ARHGAP15: variants seen among roughly 807,000 people sequenced by gnomAD.
The protein encoded by ARHGAP15 is Rho GTPase activating protein 15.
Under a neutral mutation model 63.7 loss-of-function variants are expected in ARHGAP15, and 51 were observed. The observed-to-expected ratio is 0.80, with a 90% confidence interval of 0.64 to 1.01. ARHGAP15 has a LOEUF of 1.01. Among genes scored for constraint, ARHGAP15 ranks in the 50% least tolerant of loss-of-function variants. The pLI, the probability that ARHGAP15 is intolerant of heterozygous loss-of-function variation, is 0.00. For missense variants in ARHGAP15, 560 were observed against 564.6 expected (o/e 0.99, Z 0.08); for synonymous variants, 191 against 193.8 (o/e 0.99, Z 0.12).
intron 4 of ARHGAP15, among the ~76,000 whole-genome samples, chr2:143,227,195 A>T (rs1693244274): frequency 6.6e-6 from 1 of 152,196 alleles, no homozygotes; most frequent in South Asian, 2.1e-4. Flanking sequence ...ACATATATAT[A>T]TTCTAACTAT....
At chr2:143,485,992 C>A (rs1330074573) in intron 8 of ARHGAP15, among the ~76,000 whole-genome samples, 1 of 152,128 alleles carries the variant, frequency 6.6e-6, no homozygotes, top group Admixed American at 6.5e-5. Context: ...TCTTGAACTT[C>A]ACCTTAATTC....
chr2:143,678,126 A>C (rs1434137276), intron 12 of ARHGAP15, among the ~76,000 whole-genome samples: 1 of 152,116 alleles, frequency 6.6e-6, no homozygotes, highest in East Asian at 1.9e-4. Flanking sequence ...TAGGAGAATC[A>C]CCTGAGCCTG....
chr2:143,560,187 C>G (rs1695963116), intron 11 of ARHGAP15, among the ~76,000 whole-genome samples: 1 of 152,142 alleles, frequency 6.6e-6, no homozygotes, highest in Admixed American at 6.5e-5. Flanking sequence ...ATTATACTTC[C>G]AGTTCAGATG....
At position 143,356,718 on chromosome 2, in the gene ARHGAP15, G is replaced by A. The variant is rs16822392; in HGVS notation, c.475-78883G>A. Among the ~76,000 whole-genome samples, 1,205 of 152,160 alleles carry A rather than the reference G, an allele frequency of 7.9e-3. 17 individuals carry two copies. The highest frequency in any genetic ancestry group is 0.027 in the African/African-American group (1,133 of 41,492). On this transcript the variant is annotated intron_variant, in intron 6 of 13. Transcript: ENST00000295095. ...GTGGCTCGTTGAAATTACTAATGCA[G>A]TTACTGAGTTAATTTTAAAAAAATC... is the stretch of plus-strand genomic sequence containing the variant.
intron 6 of ARHGAP15, among the ~76,000 whole-genome samples, chr2:143,301,533 C>T (rs987606962): frequency 6.6e-6 from 1 of 151,862 alleles, no homozygotes; most frequent in Non-Finnish European, 1.5e-5. Context: ...ACACATATTG[C>T]CACCATTGTC....
At chr2:143,466,535 T>A (rs1272356802) in intron 8 of ARHGAP15, among the ~76,000 whole-genome samples, 1 of 152,094 alleles carries the variant, frequency 6.6e-6, no homozygotes, top group East Asian at 1.9e-4. Flanking sequence ...GTCTTCTGGT[T>A]TAGTTCTTCA....
chr2:143,467,100 T>TTG (rs1480785186), intron 8 of ARHGAP15, among the ~76,000 whole-genome samples: 2 of 152,072 alleles, frequency 1.3e-5, no homozygotes, highest in Non-Finnish European at 2.9e-5. Context: ...ATACCTACTC[T>TTG]TGCTATACTC....
At chr2:143,269,118 T>G (rs1490717014) in intron 6 of ARHGAP15, among the ~76,000 whole-genome samples, 1 of 152,166 alleles carries the variant, frequency 6.6e-6, no homozygotes, top group African/African-American at 2.4e-5. Context: ...TATGGGTTCA[T>G]TACGTTCAAA....
chr2:143,588,800 C>T (rs1451001691), intron 11 of ARHGAP15, among the ~76,000 whole-genome samples: 1 of 152,192 alleles, frequency 6.6e-6, no homozygotes, highest in Non-Finnish European at 1.5e-5. Context: ...ATAAATGATT[C>T]TGGAACCTGT....
intron 8 of ARHGAP15, 86 bp from the exon 9 acceptor site, chr2:143,487,287 A>G (rs1017764815): frequency 2.1e-6 from 3 of 1,456,282 alleles, no homozygotes; most frequent in Non-Finnish European, 2.8e-6. Flanking sequence ...TTGTTTCATA[A>G]CTACTGTTTT....
chr2:143,281,794 C>A (rs1175768370), intron 6 of ARHGAP15, among the ~76,000 whole-genome samples: 1 of 152,118 alleles, frequency 6.6e-6, no homozygotes, highest in Non-Finnish European at 1.5e-5. Context: ...TTTAAAGAAT[C>A]CTACTATTGA....
At chr2:143,739,761 T>C (rs964205075) in intron 13 of ARHGAP15, among the ~76,000 whole-genome samples, 3 of 152,188 alleles carry the variant, frequency 2.0e-5, no homozygotes, top group Admixed American at 6.5e-5. Flanking sequence ...TGACTTTTAC[T>C]GAAGATTGAC....
intron 8 of ARHGAP15, among the ~76,000 whole-genome samples, chr2:143,441,190 T>A (rs1043501601): frequency 5.9e-5 from 9 of 151,994 alleles, no homozygotes; most frequent in African/African-American, 2.2e-4. Context: ...GAGCAGGGCA[T>A]ATAAGCTTGC....
At chr2:143,397,916 A>G (rs1266090339) in intron 6 of ARHGAP15, among the ~76,000 whole-genome samples, 2 of 152,160 alleles carry the variant, frequency 1.3e-5, no homozygotes, top group Non-Finnish European at 2.9e-5. Flanking sequence ...AGAAAGCAAG[A>G]AATTATTTTT....
In ARHGAP15 at chr2:143,320,408, A is replaced by G. The variant is rs74208593; in HGVS notation, c.474+69808A>G. 4.1e-3 allele frequency among the ~76,000 whole-genome samples: 108 copies of G among 26,292 alleles called. 3 individuals are homozygous for G. Among genetic ancestry groups the G allele is most frequent in the African/African-American group, 0.012 (102 of 8,820 alleles). The allele number at this position is 26,292 out of a possible 152,430, so 17.2% of individuals were successfully genotyped here. A position where few individuals can be genotyped will look rare whatever the true frequency, so the allele number is the denominator to read the frequency against. On this transcript the variant is annotated intron_variant, in intron 6 of 13. Coordinates refer to ENST00000295095, the MANE Select transcript of ARHGAP15 (RefSeq NM_018460.4). Reference sequence around the variant, plus strand: ...AAATGCCACAAATCAGGACTTCCCCACCCCCCCCCCCCCCAGAGATCCTAT... The same window carrying G: ...AAATGCCACAAATCAGGACTTCCCCGCCCCCCCCCCCCCCAGAGATCCTAT...
At chr2:143,753,138 G>A (rs1057192797) in intron 13 of ARHGAP15, among the ~76,000 whole-genome samples, 4 of 152,142 alleles carry the variant, frequency 2.6e-5, no homozygotes. Context: ...GAATAAGCTC[G>A]TCTCTTAAAT....
intron 13 of ARHGAP15, among the ~76,000 whole-genome samples, chr2:143,738,528 T>C (rs949491133): frequency 6.6e-6 from 1 of 152,220 alleles, no homozygotes; most frequent in Non-Finnish European, 1.5e-5. Context: ...TCCGGGCCTC[T>C]CTTCGAACAT....
At chr2:143,404,134 G>A (rs1427080666) in intron 6 of ARHGAP15, among the ~76,000 whole-genome samples, 1 of 151,828 alleles carries the variant, frequency 6.6e-6, no homozygotes, top group Non-Finnish European at 1.5e-5. Flanking sequence ...AAGACAACAT[G>A]GTGGCAAATT....
intron 8 of ARHGAP15, among the ~76,000 whole-genome samples, chr2:143,462,050 C>T (rs1402056638): frequency 1.3e-5 from 2 of 152,046 alleles, no homozygotes; most frequent in Non-Finnish European, 2.9e-5. Context: ...GTTCCAGCTA[C>T]TCAGGAGGCT....
Sources: gnomAD v4.1 joint callset for allele counts (sites outside exome capture counted in the v4.1 genomes callset) on GRCh38, gnomAD v4.1.1 for gene constraint, MANE v1.5 for transcripts, NCBI Gene and HGNC (gene_info 2026-07-23, HGNC 2026-07-21) for gene names.